The following NCKAP5 variants were observed in gnomAD, a reference collection of about 807,000 sequenced individuals.
NCKAP5 encodes nck-associated protein 5.
Under a neutral mutation model 167.0 loss-of-function variants are expected in NCKAP5, and 92 were observed. The ratio of observed to expected loss-of-function variants is 0.55; its 90% CI spans 0.47 to 0.66. The LOEUF (loss-of-function observed/expected upper bound fraction) is 0.66. NCKAP5 is among the 30% of genes least tolerant of loss of function. NCKAP5 has a pLI of 0.00. For missense variants in NCKAP5, 2,378 were observed against 2,315.0 expected, an observed-to-expected ratio of 1.03 and a Z score of -0.56; for synonymous variants, 891 against 877.4, an observed-to-expected ratio of 1.02 and a Z score of -0.27.
At chr2:133,620,179 G>GAA in the NCKAP5 span, among the ~76,000 whole-genome samples, 104 of 150,466 alleles carry the variant, frequency 6.9e-4, 1 homozygote, top group East Asian at 1.6e-3. Context: ...ATAACACAAT[G>GAA]AAAAAAAAAG....
upstream of NCKAP5, among the ~76,000 whole-genome samples, chr2:133,571,104 C>A (rs1688850258): frequency 6.6e-6 from 1 of 152,152 alleles, no homozygotes; most frequent in African/African-American, 2.4e-5. Context: ...CTAGAGAAAG[C>A]ATATCCAATT....
chr2:132,842,933 A>G (rs1688396762), intron 11 of NCKAP5, among the ~76,000 whole-genome samples: 1 of 152,122 alleles, frequency 6.6e-6, no homozygotes, highest in Admixed American at 6.5e-5. Context: ...AGTTTTCAAG[A>G]TGGTTTATAA....
intron 7 of NCKAP5, among the ~76,000 whole-genome samples, chr2:132,970,828 C>T (rs572767483): frequency 6.6e-6 from 1 of 152,136 alleles, no homozygotes; most frequent in South Asian, 2.1e-4. Context: ...GCCCAGGAAG[C>T]TTGGTTAGTC....
chr2:133,632,287 G>A, the NCKAP5 span, among the ~76,000 whole-genome samples: 2 of 152,156 alleles, frequency 1.3e-5, no homozygotes, highest in Non-Finnish European at 1.5e-5. Flanking sequence ...TAGCATAATT[G>A]GACATTAAAA....
At chr2:132,795,826 AAAAAAAAAAAAAC>A (rs1200016370) in intron 12 of NCKAP5, among the ~76,000 whole-genome samples, 4 of 149,500 alleles carry the variant, frequency 2.7e-5, no homozygotes, top group African/African-American at 7.3e-5. Flanking sequence ...ATCAGAAAAA[AAAAAAAAAAAAAC>A]AAAAAAAACA....
Position 132,852,907 on chromosome 2 carries a change from A to G in NCKAP5, c.807+7585T>C, listed in dbSNP as rs546356896. 4.1e-4 allele frequency among the ~76,000 whole-genome samples: 63 copies of G among 152,272 alleles called. No homozygotes were observed. The East Asian group carries it at 9.3e-3, about 22-fold the overall frequency. On this transcript the variant is annotated intron_variant, in intron 11 of 19. Transcript: ENST00000409261. ...TACTGCACAACTGTTTGTTTATATT[A>G]TCTATCTCCTTATTAAATGATGACC... is the stretch of plus-strand genomic sequence containing the variant.
At chr2:133,011,465 T>C (rs1309225114) in intron 6 of NCKAP5, among the ~76,000 whole-genome samples, 2 of 152,214 alleles carry the variant, frequency 1.3e-5, no homozygotes, top group African/African-American at 2.4e-5. Flanking sequence ...AGGGCCTGTT[T>C]TGCAGCAACC....
chr2:133,583,303 G>C, the NCKAP5 span, among the ~76,000 whole-genome samples: 1 of 152,050 alleles, frequency 6.6e-6, no homozygotes, highest in South Asian at 2.1e-4. Flanking sequence ...ATCCCTTGGT[G>C]GTGGGTGAGT....
At chr2:132,940,394 T>G (rs181657009) in intron 8 of NCKAP5, among the ~76,000 whole-genome samples, 1 of 152,174 alleles carries the variant, frequency 6.6e-6, no homozygotes, top group Non-Finnish European at 1.5e-5. Flanking sequence ...GTGATCAAAT[T>G]TGGTCATCAC....
intron 11 of NCKAP5, among the ~76,000 whole-genome samples, chr2:132,797,969 C>A (rs1451933770): frequency 6.6e-6 from 1 of 152,106 alleles, no homozygotes; most frequent in Non-Finnish European, 1.5e-5. Context: ...TATCCTCCTG[C>A]AAGGGTAAAG....
At chr2:133,135,413 AGG>A (rs1013830012) in intron 5 of NCKAP5, among the ~76,000 whole-genome samples, 13 of 152,090 alleles carry the variant, frequency 8.5e-5, no homozygotes, top group African/African-American at 2.7e-4. Flanking sequence ...GAAAAGAATA[AGG>A]GATAGACCAC....
intron 11 of NCKAP5, among the ~76,000 whole-genome samples, chr2:132,832,311 C>A (rs547108106): frequency 1.1e-3 from 169 of 152,152 alleles, no homozygotes; most frequent in African/African-American, 3.5e-3. Context: ...CTATTAATGT[C>A]TTTCACTAAT....
chr2:133,512,537 G>A (rs1000015201), intron 3 of NCKAP5, among the ~76,000 whole-genome samples: 1 of 152,140 alleles, frequency 6.6e-6, no homozygotes, highest in African/African-American at 2.4e-5. Context: ...TACAACAAAG[G>A]TGAGCAGTTG....
At chr2:133,002,724 T>G (rs1025389571) in intron 6 of NCKAP5, among the ~76,000 whole-genome samples, 1 of 152,212 alleles carries the variant, frequency 6.6e-6, no homozygotes, top group African/African-American at 2.4e-5. Context: ...TGAGCTCTCC[T>G]CCTGAGGTCA....
chr2:132,724,456 G>A (rs1034439280), intron 19 of NCKAP5, among the ~76,000 whole-genome samples: 2 of 152,112 alleles, frequency 1.3e-5, no homozygotes, highest in African/African-American at 2.4e-5. Context: ...ATTCTTGGGT[G>A]TGTGGCTGAG....
chr2:132,829,179 A>G (rs150270107), intron 11 of NCKAP5, among the ~76,000 whole-genome samples: 174 of 152,358 alleles, frequency 1.1e-3, no homozygotes, highest in Middle Eastern at 6.8e-3. Context: ...ATAAGTTTAA[A>G]TATTTATTTA....
At chr2:133,612,752 C>A in the NCKAP5 span, among the ~76,000 whole-genome samples, 2 of 152,138 alleles carry the variant, frequency 1.3e-5, no homozygotes, top group Non-Finnish European at 2.9e-5. Flanking sequence ...TAGTGTGGCA[C>A]TGAGGAAGAA....
intron 6 of NCKAP5, among the ~76,000 whole-genome samples, chr2:133,040,377 C>T (rs1051999534): frequency 6.6e-6 from 1 of 152,094 alleles, no homozygotes; most frequent in Non-Finnish European, 1.5e-5. Flanking sequence ...TCTTACATCC[C>T]ACACCATGAC....
intron 16 of NCKAP5, among the ~76,000 whole-genome samples, chr2:132,767,397 C>T (rs2104907278): frequency 6.6e-6 from 1 of 152,300 alleles, no homozygotes; most frequent in African/African-American, 2.4e-5. Context: ...CAGGCATGCA[C>T]CACCACGCCT....
Sources: allele counts gnomAD v4.1 joint callset (sites outside exome capture counted in the v4.1 genomes callset), GRCh38; gene constraint gnomAD v4.1.1; transcripts MANE v1.5; gene names NCBI Gene and HGNC (gene_info 2026-07-23, HGNC 2026-07-21).